HCRTR2: variants seen among roughly 807,000 people sequenced by gnomAD.
HCRTR2 encodes the protein hypocretin receptor 2, also known as orexin receptor type 2.
A neutral mutation model predicts 49.0 loss-of-function variants in HCRTR2; 22 were observed. The ratio of observed to expected loss-of-function variants is 0.45; its 90% CI spans 0.32 to 0.64. The LOEUF is 0.64. Ranked by LOEUF, HCRTR2 falls within the 30% of genes least tolerant of loss-of-function variation. The pLI, the probability that HCRTR2 is intolerant of heterozygous loss-of-function variation, is 0.04. For synonymous variants in HCRTR2, 236 were observed against 205.3 expected (o/e 1.15, Z -1.28); for missense variants, 491 against 559.4 (o/e 0.88, Z 1.23).
intron 1 of HCRTR2, among the ~76,000 whole-genome samples, chr6:55,190,958 G>A (rs1022630907): frequency 6.6e-6 from 1 of 152,130 alleles, no homozygotes; most frequent in Non-Finnish European, 1.5e-5. Flanking sequence ...CAATTGACAA[G>A]CCAAGTAGTT....
chr6:55,283,982 G>A (rs187603772), downstream of HCRTR2, among the ~76,000 whole-genome samples: 161 of 152,216 alleles, frequency 1.1e-3, 3 homozygotes, highest in Admixed American at 9.7e-3. Flanking sequence ...ATCAGTGAAA[G>A]CAAGGTATTT....
intron 1 of HCRTR2, among the ~76,000 whole-genome samples, chr6:55,151,596 T>G (rs1276213667): frequency 1.3e-5 from 2 of 151,974 alleles, no homozygotes; most frequent in Non-Finnish European, 2.9e-5. Context: ...CTTCTCAAAG[T>G]AATCTATGAG....
At chr6:55,164,197 A>G (rs546422667) in intron 1 of HCRTR2, among the ~76,000 whole-genome samples, 7 of 152,324 alleles carry the variant, frequency 4.6e-5, no homozygotes, top group Admixed American at 2.0e-4. Context: ...TAGTTCAACC[A>G]TTGTGGAAGA....
At chr6:55,273,716 C>CTTTAA (rs1319649987) in intron 4 of HCRTR2, among the ~76,000 whole-genome samples, 5 of 82,570 alleles carry the variant, frequency 6.1e-5, no homozygotes, top group Non-Finnish European at 1.2e-4. Context: ...TTTCTTCCTA[C>CTTTAA]TTTGATTTGA....
chr6:55,133,686 T>TATC (rs1332473694), intron 1 of HCRTR2, among the ~76,000 whole-genome samples: 6 of 150,078 alleles, frequency 4.0e-5, no homozygotes, highest in Admixed American at 1.3e-4. Flanking sequence ...TCTATCTATC[T>TATC]ATCTATCTAT....
intron 1 of HCRTR2, among the ~76,000 whole-genome samples, chr6:55,178,980 T>G (rs1765086863): frequency 6.6e-6 from 1 of 152,224 alleles, no homozygotes; most frequent in South Asian, 2.1e-4. Context: ...AACTCATACA[T>G]TGTTAAAATA....
At chr6:55,140,162 T>C (rs989843466) in intron 1 of HCRTR2, among the ~76,000 whole-genome samples, 48 of 136,240 alleles carry the variant, frequency 3.5e-4, no homozygotes, top group African/African-American at 1.3e-3. Flanking sequence ...AATCTGACCC[T>C]TTTTTTAGTG....
chr6:55,209,338 T>A (rs1288178961), intron 1 of HCRTR2, among the ~76,000 whole-genome samples: 1 of 152,176 alleles, frequency 6.6e-6, no homozygotes, highest in Non-Finnish European at 1.5e-5. Flanking sequence ...GAAAATAAAA[T>A]GTCAGGAAGC....
chr6:55,150,702 T>C (rs9464200), intron 1 of HCRTR2, among the ~76,000 whole-genome samples: 5,478 of 152,092 alleles, frequency 0.036, 322 homozygotes, highest in African/African-American at 0.12. Flanking sequence ...TTCCATTTTA[T>C]GTATTTATCA....
intron 1 of HCRTR2, among the ~76,000 whole-genome samples, chr6:55,208,223 C>T (rs1765635841): frequency 1.3e-5 from 2 of 151,754 alleles, no homozygotes; most frequent in Non-Finnish European, 2.9e-5. Context: ...ACCTGTAATC[C>T]CAGCACTTCG....
intron 2 of HCRTR2, 115 bp from the exon 3 acceptor site, chr6:55,255,021 G>T: frequency 9.0e-7 from 1 of 1,113,750 alleles, no homozygotes. Context: ...TTTATTTTTG[G>T]CAGCTTTGAA....
chr6:55,140,240 T>A (rs1764489104), intron 1 of HCRTR2, among the ~76,000 whole-genome samples: 1 of 151,568 alleles, frequency 6.6e-6, no homozygotes, highest in South Asian at 2.1e-4. Context: ...CCCAGCCTCC[T>A]TTTTTCCATT....
At chr6:55,256,208 T>C (rs1184650646) in intron 3 of HCRTR2, among the ~76,000 whole-genome samples, 2 of 152,046 alleles carry the variant, frequency 1.3e-5, no homozygotes, top group Non-Finnish European at 2.9e-5. Flanking sequence ...ATATGAAATA[T>C]ATATTTAAAA....
intron 1 of HCRTR2, among the ~76,000 whole-genome samples, chr6:55,236,024 G>T (rs1403546023): frequency 1.3e-5 from 2 of 151,808 alleles, no homozygotes; most frequent in African/African-American, 2.4e-5. Flanking sequence ...AAATCAGCTT[G>T]CCAGTCTTTA....
intron 3 of HCRTR2, among the ~76,000 whole-genome samples, chr6:55,259,972 ACAAT>A (rs1405916002): frequency 2.0e-5 from 3 of 152,108 alleles, no homozygotes; most frequent in African/African-American, 7.2e-5. Flanking sequence ...CCTTATTCAA[ACAAT>A]CTATCCTACC....
intron 1 of HCRTR2, among the ~76,000 whole-genome samples, chr6:55,214,390 G>A (rs1765751797): frequency 6.6e-6 from 1 of 152,182 alleles, no homozygotes; most frequent in Admixed American, 6.5e-5. Context: ...TGAGTGCAGT[G>A]ATGCAATCAT....
intron 1 of HCRTR2, among the ~76,000 whole-genome samples, chr6:55,245,320 G>T (rs1766411157): frequency 6.9e-6 from 1 of 144,894 alleles, no homozygotes; most frequent in Non-Finnish European, 1.5e-5. Flanking sequence ...TTCTTCTTAG[G>T]ATTGAAAGGT....
At position 55,174,774 on chromosome 6, in the gene HCRTR2, A is replaced by G. The variant is rs200056312; in HGVS notation, c.187A>G (p.Ile63Val). ...GTGGGTCCTGATCGCCGGGTACATC[A>G]TCGTGTTCGTCGTGGCTCTCATTGG... ...YEWVLIAGYI[I>V]VFVVALIGNV... is the part of the protein sequence containing the mutation. Residue 63 changes from isoleucine to valine, a missense_variant, in exon 1 of 7, where the codon ATC becomes GTC. Ile to Val is a conservative substitution (Grantham distance 29). Coordinates refer to ENST00000370862, the MANE Select transcript of HCRTR2 (RefSeq NM_001384272.1). 86 of 1,613,962 alleles carry G rather than the reference A, an allele frequency of 5.3e-5. No individual in the cohort carries two copies. In the East Asian group the frequency reaches 1.9e-3, roughly 36 times the overall value.
chr6:55,141,300 C>T (rs758331000), intron 1 of HCRTR2, among the ~76,000 whole-genome samples: 6 of 151,836 alleles, frequency 4.0e-5, no homozygotes, highest in East Asian at 1.9e-4. Flanking sequence ...GCCGAGATTG[C>T]GCCACTGCAC....
Sources: gnomAD v4.1 joint callset for allele counts (sites outside exome capture counted in the v4.1 genomes callset) on GRCh38, gnomAD v4.1.1 for gene constraint, MANE v1.5 for transcripts, NCBI Gene and HGNC (gene_info 2026-07-23, HGNC 2026-07-21) for gene names.